PRKAR1B: variants seen among roughly 807,000 people sequenced by gnomAD.
PRKAR1B encodes cAMP-dependent protein kinase type I-beta regulatory subunit.
Under a neutral mutation model 46.5 loss-of-function variants are expected in PRKAR1B, and 22 were observed. The ratio of observed to expected loss-of-function variants is 0.47; its 90% CI spans 0.34 to 0.68. The LOEUF is 0.68. PRKAR1B is among the 30% of genes least tolerant of loss of function. PRKAR1B has a pLI of 0.01. For missense variants in PRKAR1B, 445 were observed against 535.6 expected (o/e 0.83, Z 1.67); for synonymous variants, 259 against 217.7 (o/e 1.19, Z -1.67).
At chr7:725,655 G>A (rs976833049) in intron 1 of PRKAR1B, among the ~76,000 whole-genome samples, 1 of 152,172 alleles carries the variant, frequency 6.6e-6, no homozygotes, top group Non-Finnish European at 1.5e-5. Context: ...CTTCTTGCCT[G>A]GGGACCAGAA....
intron 4 of PRKAR1B, among the ~76,000 whole-genome samples, chr7:633,850 A>G (rs774429170): frequency 9.9e-5 from 15 of 152,070 alleles, no homozygotes; most frequent in Non-Finnish European, 1.9e-4. Context: ...TAATCACGGG[A>G]AACAGGCAGA....
chr7:550,542 AGGGGCCCCC>A lies in PRKAR1B; in HGVS notation c.1025_1033del (p.Arg342_Pro344del). Reference sequence around the variant, plus strand: ...GGGCCGGTCCAGCTTCACACACTTGAGGGGCCCCCGGGCCACGACAGTGGCCGCCCGGGG... The same window carrying A: ...GGGCCGGTCCAGCTTCACACACTTGAGGGCCACGACAGTGGCCGCCCGGGG... On this transcript the variant is annotated inframe_deletion, in exon 11 of 11. Transcript: ENST00000537384. 3 of 1,605,522 alleles carry A rather than the reference AGGGGCCCCC, an allele frequency of 1.9e-6. No individual in the cohort carries two copies. Among genetic ancestry groups the A allele is most frequent in the Non-Finnish European group, 2.5e-6 (3 of 1,176,610 alleles).
chr7:703,335 G>A (rs1780156653), intron 2 of PRKAR1B, among the ~76,000 whole-genome samples: 2 of 152,144 alleles, frequency 1.3e-5, no homozygotes, highest in Non-Finnish European at 2.9e-5. Flanking sequence ...AGTAGGTATA[G>A]CAAGGGGCCA....
chr7:624,692 A>G (rs1479606791), intron 4 of PRKAR1B, among the ~76,000 whole-genome samples: 1 of 152,212 alleles, frequency 6.6e-6, no homozygotes, highest in Non-Finnish European at 1.5e-5. Context: ...CTATAGGCCT[A>G]TTAAATTTAA....
At chr7:578,027 T>C (rs932705769) in intron 9 of PRKAR1B, among the ~76,000 whole-genome samples, 2 of 152,138 alleles carry the variant, frequency 1.3e-5, no homozygotes, top group Non-Finnish European at 2.9e-5. Flanking sequence ...CACATTGCCA[T>C]GGAAAGGGGC....
intron 9 of PRKAR1B, among the ~76,000 whole-genome samples, chr7:564,336 G>A (rs1259092600): frequency 1.3e-5 from 2 of 152,140 alleles, no homozygotes; most frequent in Non-Finnish European, 1.5e-5. Flanking sequence ...CCGTGGCTCC[G>A]TGGCCAGCCT....
chr7:725,213 CAAAA>C (rs572091049), intron 1 of PRKAR1B, among the ~76,000 whole-genome samples: 1 of 85,764 alleles, frequency 1.2e-5, no homozygotes. Flanking sequence ...GATTCCATCT[CAAAA>C]AAAAAAAAAA....
intron 8 of PRKAR1B, among the ~76,000 whole-genome samples, chr7:580,398 CA>C (rs200369076): frequency 7.3e-6 from 1 of 137,098 alleles, no homozygotes. Context: ...TACTAAAATA[CA>C]AAAAAAATAA....
intron 9 of PRKAR1B, among the ~76,000 whole-genome samples, chr7:569,344 A>G (rs1235106584): frequency 6.6e-6 from 1 of 152,208 alleles, no homozygotes; most frequent in East Asian, 1.9e-4. Flanking sequence ...CTTACGCTGA[A>G]AGGCAAGTGA....
rs1397022354 is a variant in PRKAR1B at position 593,703 on chromosome 7, C to G, written c.708+2443G>C. Among the ~76,000 whole-genome samples the G allele has an allele frequency of 6.6e-6, 1 of 152,138 alleles. No homozygotes were observed. Among genetic ancestry groups the G allele is most frequent in the African/African-American group, 2.4e-5 (1 of 41,436 alleles). ...CCTCCCACGCGGCGACAGAGGCCTC[C>G]CAGTGAAGGCAGGAGTGAGCGGGTT... On this transcript the variant is annotated intron_variant, in intron 7 of 10. Coordinates refer to ENST00000537384, the MANE Select transcript of PRKAR1B (RefSeq NM_001164760.2). This position sits in a 1 kb window ranked among gnomAD's most constrained non-coding sequence, Gnocchi z 6.1.
chr7:596,738 G>A (rs371291482), intron 6 of PRKAR1B, among the ~76,000 whole-genome samples: 4 of 152,224 alleles, frequency 2.6e-5, no homozygotes, highest in African/African-American at 4.8e-5. Context: ...TGATCCCCAC[G>A]GGGCTCTGCT....
rs1340953562 is a variant in PRKAR1B at position 596,232 on chromosome 7, C to T, written c.622G>A (p.Gly208Ser). 1.9e-6 allele frequency: 3 copies of T among 1,613,890 alleles called. No individual in the cohort carries two copies. Among genetic ancestry groups the T allele is most frequent in the Non-Finnish European group, 2.5e-6 (3 of 1,179,988 alleles). The part of the protein sequence containing the change: ...GSFGELALIY[G>S]TPRAATVKAK... ...TTCACGGTCGCAGCCCTGGGGGTGC[C>T]GTAGATGAGCGCCAGCTCCCCGAAG... The change falls in exon 7 of 11, where the codon GGC becomes AGC. Residue 208 changes from glycine to serine, a missense_variant. Physicochemically the swap from Gly to Ser is moderately conservative, Grantham distance 56. Transcript: ENST00000537384.
chr7:726,696 C>G, intron 1 of PRKAR1B: 1 of 1,233,870 alleles, frequency 8.1e-7, no homozygotes, highest in East Asian at 3.2e-5. Flanking sequence ...CGCTGTTCCC[C>G]TTAGTGACCG....
rs201224519 is a variant in PRKAR1B, at chr7:593,414, G to A, written c.708+2732C>T. ...ATGCTCCCGTCCAAACCAGCCCGGCGCGGCCAGCTATTCTTAGCGCACAGG... is the reference window on the plus strand; with the variant it reads ...ATGCTCCCGTCCAAACCAGCCCGGCACGGCCAGCTATTCTTAGCGCACAGG... On this transcript the variant is annotated intron_variant, in intron 7 of 10. Coordinates refer to ENST00000537384, the MANE Select transcript of PRKAR1B (RefSeq NM_001164760.2). This position sits in a 1 kb window ranked among gnomAD's most constrained non-coding sequence, Gnocchi z 6.1. Among the ~76,000 whole-genome samples the A allele has an allele frequency of 5.2e-4, 79 of 152,298 alleles. 3 individuals are homozygous for A. In the South Asian group the frequency reaches 0.016, roughly 30 times the overall value.
At chr7:589,886 G>A (rs1431936579) in intron 7 of PRKAR1B, among the ~76,000 whole-genome samples, 2 of 152,250 alleles carry the variant, frequency 1.3e-5, no homozygotes, top group Non-Finnish European at 2.9e-5. Flanking sequence ...AGAGAGAGGA[G>A]CCGGGACGAT....
chr7:713,607 T>C (rs1780768349), intron 1 of PRKAR1B, among the ~76,000 whole-genome samples: 2 of 151,610 alleles, frequency 1.3e-5, no homozygotes, highest in South Asian at 4.2e-4. Flanking sequence ...AGCCCTCCCA[T>C]GCTCACCTGG....
At chr7:637,927 G>T (rs1371420340) in intron 4 of PRKAR1B, among the ~76,000 whole-genome samples, 1 of 151,802 alleles carries the variant, frequency 6.6e-6, no homozygotes, top group Non-Finnish European at 1.5e-5. Context: ...TGCATGGGGG[G>T]CAGCTCCGTG....
chr7:554,401 T>C (rs1427901683), intron 9 of PRKAR1B, among the ~76,000 whole-genome samples: 1 of 152,218 alleles, frequency 6.6e-6, no homozygotes, highest in East Asian at 1.9e-4. Context: ...TTTTAACACT[T>C]TCTGTTTCAC....
intron 9 of PRKAR1B, among the ~76,000 whole-genome samples, chr7:572,479 C>G (rs139834084): frequency 6.6e-6 from 1 of 152,280 alleles, no homozygotes; most frequent in East Asian, 1.9e-4. Flanking sequence ...GCCTTCCCAG[C>G]TGCCTCCATG....
Sources: allele counts gnomAD v4.1 joint callset (sites outside exome capture counted in the v4.1 genomes callset), GRCh38; gene constraint gnomAD v4.1.1; non-coding constraint Gnocchi (gnomAD v3.1); transcripts MANE v1.5; gene names NCBI Gene and HGNC (gene_info 2026-07-23, HGNC 2026-07-21).